Variants in B3GLCT observed in about 807,000 individuals in gnomAD.
The protein encoded by B3GLCT is beta-1,3-glucosyltransferase.
In B3GLCT, 65 loss-of-function variants were observed where a neutral mutation model predicts 63.4. That is an observed-to-expected ratio of 1.03 (90% confidence interval 0.84 to 1.26). B3GLCT has a LOEUF of 1.26. B3GLCT is among the 50% of genes most tolerant of loss of function. The pLI is 0.00. For synonymous variants in B3GLCT, 233 were observed against 219.2 expected (o/e 1.06, Z -0.55); for missense variants, 577 against 604.8 (o/e 0.95, Z 0.48).
At chr13:31,219,795 A>G (rs147810299) in intron 2 of B3GLCT, among the ~76,000 whole-genome samples, 24 of 152,206 alleles carry the variant, frequency 1.6e-4, no homozygotes, top group African/African-American at 3.9e-4. Context: ...TGCATAAGCC[A>G]TCTTTCCTAC....
intron 6 of B3GLCT, among the ~76,000 whole-genome samples, chr13:31,257,165 C>T (rs1037726296): frequency 3.0e-4 from 45 of 152,118 alleles, no homozygotes; most frequent in Admixed American, 2.0e-3. Flanking sequence ...TAAAACATAA[C>T]AACATGTTTT....
chr13:31,209,042 T>C (rs1484016046), intron 1 of B3GLCT, among the ~76,000 whole-genome samples: 1 of 152,252 alleles, frequency 6.6e-6, no homozygotes, highest in East Asian at 1.9e-4. Context: ...GTGTTGACCC[T>C]GCCATTGGCC....
chr13:31,258,711 T>A (rs781001631), intron 6 of B3GLCT, among the ~76,000 whole-genome samples: 7 of 152,234 alleles, frequency 4.6e-5, no homozygotes, highest in Non-Finnish European at 1.0e-4. Flanking sequence ...GCCAGCTGCT[T>A]TTAGGATATT....
chr13:31,326,991 T>A (rs1230142615), intron 14 of B3GLCT, among the ~76,000 whole-genome samples: 1 of 152,204 alleles, frequency 6.6e-6, no homozygotes, highest in African/African-American at 2.4e-5. Flanking sequence ...CAACAGTTCA[T>A]TTTTAAAGGT....
At chr13:31,274,863 C>T (rs968360210) in intron 9 of B3GLCT, among the ~76,000 whole-genome samples, 3 of 152,144 alleles carry the variant, frequency 2.0e-5, no homozygotes, top group Non-Finnish European at 4.4e-5. Flanking sequence ...CCTTCCTCCC[C>T]TTTTTAGAGT....
chr13:31,314,924 A>G (rs886785345), intron 12 of B3GLCT, among the ~76,000 whole-genome samples: 2 of 152,196 alleles, frequency 1.3e-5, no homozygotes, highest in Non-Finnish European at 2.9e-5. Context: ...ATGATAGTGA[A>G]TAAGACTCAT....
intron 4 of B3GLCT, among the ~76,000 whole-genome samples, chr13:31,242,951 AT>A (rs764316625): frequency 3.3e-5 from 5 of 152,186 alleles, no homozygotes; most frequent in Non-Finnish European, 7.3e-5. Context: ...TGAATACTGG[AT>A]TTCTAAAGGC....
At chr13:31,248,936 A>T (rs977641087) in intron 6 of B3GLCT, among the ~76,000 whole-genome samples, 3 of 152,200 alleles carry the variant, frequency 2.0e-5, no homozygotes, top group Admixed American at 1.3e-4. Context: ...AATCGAGCTC[A>T]TTCAGTTCTC....
chr13:31,253,066 A>C (rs985594329), intron 6 of B3GLCT, among the ~76,000 whole-genome samples: 5 of 152,224 alleles, frequency 3.3e-5, no homozygotes, highest in Admixed American at 6.5e-5. Context: ...ACTCACTCAA[A>C]ACCGCACAAC....
At chr13:31,292,257 A>ATATTGGTC (rs1766923376) in intron 12 of B3GLCT, among the ~76,000 whole-genome samples, 2 of 152,112 alleles carry the variant, frequency 1.3e-5, no homozygotes, top group Admixed American at 1.3e-4. Context: ...TTCATCAGGG[A>ATATTGGTC]TATTGGTCTG....
chr13:31,280,693 AAAG>A (rs1404961982), intron 10 of B3GLCT, among the ~76,000 whole-genome samples: 2 of 152,244 alleles, frequency 1.3e-5, no homozygotes, highest in African/African-American at 4.8e-5. Context: ...TTCACAATGA[AAAG>A]AAATATTTTA....
Position 31,246,946 on chromosome 13 carries a change from C to T in B3GLCT, c.271-77C>T, listed in dbSNP as rs531073276. On this transcript the variant is annotated intron_variant, in intron 4 of 14. Coordinates refer to ENST00000343307, the MANE Select transcript of B3GLCT (RefSeq NM_194318.4). ...CTTTTTTTCTTTTTTCTTTTCTTTT[C>T]TTTTCTTTTTTTTTTTTTTTACTTT... 1.1e-4 allele frequency: 116 copies of T among 1,011,034 alleles called. No individual in the cohort carries two copies. Among genetic ancestry groups the T allele is most frequent in the Middle Eastern group, 4.6e-4 (2 of 4,310 alleles). 62.6% of individuals were successfully genotyped at this position (1,011,034 alleles called of 1,614,324 possible).
At chr13:31,211,003 G>A (rs888739430) in intron 1 of B3GLCT, among the ~76,000 whole-genome samples, 6 of 152,016 alleles carry the variant, frequency 3.9e-5, no homozygotes, top group South Asian at 2.1e-4. Flanking sequence ...TCAGCCTCCC[G>A]AAGTGCTAGA....
intron 12 of B3GLCT, among the ~76,000 whole-genome samples, chr13:31,289,641 A>T (rs952353699): frequency 5.3e-5 from 8 of 152,184 alleles, no homozygotes; most frequent in African/African-American, 1.9e-4. Flanking sequence ...GCTGTGAGCC[A>T]AGAATTTTAT....
chr13:31,254,663 G>A (rs1352702399), intron 6 of B3GLCT, among the ~76,000 whole-genome samples: 2 of 152,150 alleles, frequency 1.3e-5, no homozygotes, highest in Non-Finnish European at 2.9e-5. Context: ...TCTGGCCAGG[G>A]CAATCAGGCA....
chr13:31,256,331 G>C (rs1258866277), intron 6 of B3GLCT, among the ~76,000 whole-genome samples: 1 of 152,206 alleles, frequency 6.6e-6, no homozygotes, highest in Non-Finnish European at 1.5e-5. Flanking sequence ...CTGTTGGTGG[G>C]AGTGTAAATT....
intron 6 of B3GLCT, among the ~76,000 whole-genome samples, chr13:31,258,020 G>T (rs1051500279): frequency 2.0e-5 from 3 of 152,152 alleles, no homozygotes; most frequent in African/African-American, 7.2e-5. Flanking sequence ...AAGTGCCGTG[G>T]AGAAGAACAA....
chr13:31,261,475 T>G (rs1433560065), intron 7 of B3GLCT, among the ~76,000 whole-genome samples: 3 of 152,138 alleles, frequency 2.0e-5, no homozygotes, highest in African/African-American at 4.8e-5. Flanking sequence ...GGGTTGAGAG[T>G]TGATGACTCA....
intron 6 of B3GLCT, among the ~76,000 whole-genome samples, chr13:31,259,040 T>A (rs1306399963): frequency 2.0e-5 from 3 of 152,214 alleles, no homozygotes; most frequent in African/African-American, 7.2e-5. Flanking sequence ...TCTCTGCTAT[T>A]GTGTTTAATA....
Sources: gnomAD v4.1 joint callset for allele counts (sites outside exome capture counted in the v4.1 genomes callset) on GRCh38, gnomAD v4.1.1 for gene constraint, MANE v1.5 for transcripts, NCBI Gene and HGNC (gene_info 2026-07-23, HGNC 2026-07-21) for gene names.